ST6GALNAC3: variants seen among roughly 807,000 people sequenced by gnomAD.
ST6GALNAC3 encodes ST6 N-acetylgalactosaminide alpha-2,6-sialyltransferase 3, also known as alpha-N-acetylgalactosaminide alpha-2,6-sialyltransferase 3.
Under a neutral mutation model 32.7 loss-of-function variants are expected in ST6GALNAC3, and 25 were observed. The observed-to-expected ratio is 0.76, with a 90% CI of 0.56 to 1.07. ST6GALNAC3 has a LOEUF of 1.07. Ranked by LOEUF, ST6GALNAC3 falls within the 50% of genes least tolerant of loss-of-function variation. The pLI, the probability that ST6GALNAC3 is intolerant of heterozygous loss-of-function variation, is 0.00. For missense variants in ST6GALNAC3, 355 were observed against 382.4 expected (o/e 0.93, Z 0.60); for synonymous variants, 129 against 133.1 (o/e 0.97, Z 0.21).
At chr1:76,086,303 A>G (rs1006335545) in intron 1 of ST6GALNAC3, among the ~76,000 whole-genome samples, 2 of 152,244 alleles carry the variant, frequency 1.3e-5, no homozygotes, top group Non-Finnish European at 2.9e-5. Flanking sequence ...TCATATTTAA[A>G]AAGTCATTAT....
chr1:76,176,429 G>C (rs1652858600), intron 1 of ST6GALNAC3, among the ~76,000 whole-genome samples: 1 of 152,172 alleles, frequency 6.6e-6, no homozygotes, highest in Non-Finnish European at 1.5e-5. Flanking sequence ...TTAAAATGTG[G>C]TTTTATGGGT....
chr1:76,321,648 A>G lies in ST6GALNAC3; in HGVS notation c.213+7649A>G, dbSNP rs72675975. On this transcript the variant is annotated intron_variant, in intron 2 of 4. Coordinates refer to ENST00000328299, the MANE Select transcript of ST6GALNAC3 (RefSeq NM_152996.4). ...CCTGCTGGGGGGCCAAACACAAGTCACATCCATCAGTCAGTGCAGGTGTCT... is the reference window on the plus strand; with the variant it reads ...CCTGCTGGGGGGCCAAACACAAGTCGCATCCATCAGTCAGTGCAGGTGTCT... 9.5e-3 allele frequency among the ~76,000 whole-genome samples: 1,442 copies of G among 152,272 alleles called. 10 individuals are homozygous for G. Among genetic ancestry groups the G allele is most frequent in the South Asian group, 0.042 (200 of 4,818 alleles).
At chr1:76,594,257 A>T (rs954620146) in intron 3 of ST6GALNAC3, among the ~76,000 whole-genome samples, 1 of 152,196 alleles carries the variant, frequency 6.6e-6, no homozygotes, top group African/African-American at 2.4e-5. Context: ...GAGACATAGC[A>T]GTCTCATCAG....
At chr1:76,465,261 G>A (rs995459891) in intron 3 of ST6GALNAC3, among the ~76,000 whole-genome samples, 5 of 152,156 alleles carry the variant, frequency 3.3e-5, no homozygotes, top group African/African-American at 1.2e-4. Context: ...TGTGTCCTTG[G>A]AGAACAAAAT....
intron 3 of ST6GALNAC3, among the ~76,000 whole-genome samples, chr1:76,488,844 T>C (rs1413131831): frequency 5.3e-5 from 8 of 152,204 alleles, no homozygotes; most frequent in Non-Finnish European, 1.0e-4. Flanking sequence ...CAAGCCTGTG[T>C]TCTCTTTCAC....
intron 2 of ST6GALNAC3, among the ~76,000 whole-genome samples, chr1:76,359,557 A>G (rs982307466): frequency 1.3e-5 from 2 of 152,204 alleles, no homozygotes; most frequent in Non-Finnish European, 2.9e-5. Flanking sequence ...CAGAGGTAGC[A>G]TAGTTCTGCC....
chr1:76,103,614 T>G (rs1045891157), intron 1 of ST6GALNAC3, among the ~76,000 whole-genome samples: 3 of 152,188 alleles, frequency 2.0e-5, no homozygotes, highest in African/African-American at 4.8e-5. Flanking sequence ...AACAGAAATG[T>G]ATTCTCTCAC....
rs1243883983 is a variant in ST6GALNAC3, at chr1:76,458,576, TC to T, written c.623+46161del. ...AGCCATAAAAAATGATGAATTCATG[TC>T]CTTTGTAGGGACATGGATGAAATTG... is the stretch of plus-strand genomic sequence containing the variant. On this transcript the variant is annotated intron_variant, in intron 3 of 4. Coordinates refer to ENST00000328299, the MANE Select transcript of ST6GALNAC3 (RefSeq NM_152996.4). Among the ~76,000 whole-genome samples the T allele has an allele frequency of 4.7e-5, 7 of 149,370 alleles. No homozygotes were observed. In the East Asian group the frequency reaches 1.4e-3, roughly 29 times the overall value.
At chr1:76,438,839 T>C (rs1050271478) in intron 3 of ST6GALNAC3, among the ~76,000 whole-genome samples, 7 of 152,178 alleles carry the variant, frequency 4.6e-5, no homozygotes, top group African/African-American at 1.4e-4. Context: ...GTTACCTTTC[T>C]GGAGTACTGG....
chr1:76,139,066 C>T (rs917500874), intron 1 of ST6GALNAC3, among the ~76,000 whole-genome samples: 5 of 151,974 alleles, frequency 3.3e-5, no homozygotes, highest in Non-Finnish European at 7.4e-5. Flanking sequence ...TGGTGGCAGA[C>T]GCCTGTAGTC....
chr1:76,160,808 A>ATTTATGGT (rs1651757818), intron 1 of ST6GALNAC3, among the ~76,000 whole-genome samples: 1 of 152,222 alleles, frequency 6.6e-6, no homozygotes, highest in Non-Finnish European at 1.5e-5. Context: ...CACAAACAAC[A>ATTTATGGT]TGTGGACTTT....
chr1:76,164,707 G>A (rs1352444935), intron 1 of ST6GALNAC3, among the ~76,000 whole-genome samples: 2 of 152,056 alleles, frequency 1.3e-5, no homozygotes, highest in Non-Finnish European at 2.9e-5. Context: ...ATAATAGGGT[G>A]TTGCAAACAC....
chr1:76,099,979 A>G (rs1381864514), intron 1 of ST6GALNAC3, among the ~76,000 whole-genome samples: 1 of 152,104 alleles, frequency 6.6e-6, no homozygotes, highest in Non-Finnish European at 1.5e-5. Context: ...TTTTCAAAGA[A>G]ATATCCACTT....
intron 2 of ST6GALNAC3, among the ~76,000 whole-genome samples, chr1:76,343,865 A>G (rs529854649): frequency 8.5e-5 from 13 of 152,326 alleles, no homozygotes; most frequent in Admixed American, 6.5e-4. Flanking sequence ...TTATAAAAAA[A>G]AGTTTTAACA....
intron 3 of ST6GALNAC3, among the ~76,000 whole-genome samples, chr1:76,434,188 G>T (rs1376072682): frequency 6.6e-6 from 1 of 152,196 alleles, no homozygotes; most frequent in Admixed American, 6.5e-5. Context: ...TCCTTTCTAA[G>T]GTGGCAGGAA....
chr1:76,571,685 G>C (rs974645066), intron 3 of ST6GALNAC3, among the ~76,000 whole-genome samples: 2 of 152,168 alleles, frequency 1.3e-5, no homozygotes, highest in Non-Finnish European at 2.9e-5. Context: ...TGAGTGAGTT[G>C]AGTTGCTGTT....
chr1:76,292,753 C>T (rs1660169509), intron 1 of ST6GALNAC3, among the ~76,000 whole-genome samples: 1 of 152,170 alleles, frequency 6.6e-6, no homozygotes, highest in Admixed American at 6.5e-5. Context: ...GGACTCTGGG[C>T]TCCTTGAATG....
chr1:76,177,067 G>T (rs996805872), intron 1 of ST6GALNAC3, among the ~76,000 whole-genome samples: 1 of 152,068 alleles, frequency 6.6e-6, no homozygotes, highest in Non-Finnish European at 1.5e-5. Context: ...AGAGTAAGAC[G>T]TTGTCTATTA....
chr1:76,505,007 C>T (rs1661387798), intron 3 of ST6GALNAC3, among the ~76,000 whole-genome samples: 1 of 152,174 alleles, frequency 6.6e-6, no homozygotes, highest in Non-Finnish European at 1.5e-5. Flanking sequence ...AGATATCTTT[C>T]CGTCATAGTC....
Sources: allele counts gnomAD v4.1 joint callset (sites outside exome capture counted in the v4.1 genomes callset), GRCh38; gene constraint gnomAD v4.1.1; transcripts MANE v1.5; gene names NCBI Gene and HGNC (gene_info 2026-07-23, HGNC 2026-07-21).